ST7: variants seen among roughly 807,000 people sequenced by gnomAD.
The protein encoded by ST7 is suppressor of tumorigenicity 7 protein.
Under a neutral mutation model 78.7 loss-of-function variants are expected in ST7, and 28 were observed. The ratio of observed to expected loss-of-function variants is 0.36; its 90% CI spans 0.26 to 0.49. The LOEUF (loss-of-function observed/expected upper bound fraction) is 0.49. Among genes scored for constraint, ST7 ranks in the 20% least tolerant of loss-of-function variants. The pLI, the probability that ST7 is intolerant of heterozygous loss-of-function variation, is 0.99. For missense variants in ST7, 418 were observed against 696.0 expected (o/e 0.60, Z 4.49); for synonymous variants, 247 against 249.6 (o/e 0.99, Z 0.10).
chr7:116,957,727 G>C (rs1374392790), intron 1 of ST7, among the ~76,000 whole-genome samples: 3 of 152,156 alleles, frequency 2.0e-5, no homozygotes, highest in African/African-American at 7.2e-5. Flanking sequence ...TAAAATAGGT[G>C]AGTCTTAAAA....
chr7:116,956,591 C>T, intron 1 of ST7: 1 of 471,198 alleles, frequency 2.1e-6, no homozygotes, highest in Non-Finnish European at 4.4e-6. Context: ...CTTCCATAGG[C>T]CCAGCTCTGT....
At chr7:117,215,595 A>G (rs1445048018) in intron 13 of ST7, among the ~76,000 whole-genome samples, 1 of 152,242 alleles carries the variant, frequency 6.6e-6, no homozygotes, top group African/African-American at 2.4e-5. Flanking sequence ...AGGGACACAG[A>G]TTAACGACCC....
At position 116,958,021 on chromosome 7, in the gene ST7, C is replaced by T. The variant is rs11525857; in HGVS notation, c.151+4330C>T. Among the ~76,000 whole-genome samples the T allele has an allele frequency of 7.8e-3, 1,182 of 152,316 alleles. 40 individuals carry two copies. The highest frequency in any genetic ancestry group is 0.054 in the East Asian group (281 of 5,186). ...CTTATGTTTGAGACAAGGTTTCACT[C>T]TGTCACCCAGGCTGGAGTGCAGTGG... On this transcript the variant is annotated intron_variant, in intron 1 of 15. Coordinates refer to ENST00000323984, the MANE Select transcript of ST7 (RefSeq NM_001369598.1).
At chr7:117,031,435 T>C (rs373987531) in intron 1 of ST7, among the ~76,000 whole-genome samples, 1 of 149,774 alleles carries the variant, frequency 6.7e-6, no homozygotes, top group African/African-American at 2.5e-5. Context: ...TGTGCATATA[T>C]ATGCATATAT....
intron 1 of ST7, among the ~76,000 whole-genome samples, chr7:116,990,355 A>G (rs1036463511): frequency 1.3e-5 from 2 of 152,102 alleles, no homozygotes; most frequent in Non-Finnish European, 2.9e-5. Context: ...TATTCTGGGT[A>G]AACTCATTCC....
At chr7:116,965,312 C>G (rs922066556) in intron 1 of ST7, among the ~76,000 whole-genome samples, 4 of 149,020 alleles carry the variant, frequency 2.7e-5, no homozygotes, top group Admixed American at 1.3e-4. Flanking sequence ...TGCACTCCAG[C>G]CTGGGCGACT....
chr7:116,974,014 A>G (rs1042940613), intron 1 of ST7, among the ~76,000 whole-genome samples: 15 of 152,082 alleles, frequency 9.9e-5, no homozygotes, highest in African/African-American at 3.4e-4. Flanking sequence ...AAATTTTTAC[A>G]TATTTCTTTT....
rs566695763 is a variant in ST7, at chr7:117,180,906, C to A, written c.1079-8415C>A. 2.0e-5 allele frequency among the ~76,000 whole-genome samples: 3 copies of A among 152,260 alleles called. No individual in the cohort carries two copies. In the South Asian group the frequency reaches 6.2e-4, roughly 32 times the overall value. ...GGCTCAAGTGATCCTCTTGCCTTGG[C>A]CTCCCAAAGTGCTGGGATTACAGGT... On this transcript the variant is annotated intron_variant, in intron 10 of 15. Transcript: ENST00000323984.
chr7:117,045,115 C>T (rs1449730862), intron 1 of ST7, among the ~76,000 whole-genome samples: 1 of 152,114 alleles, frequency 6.6e-6, no homozygotes, highest in Non-Finnish European at 1.5e-5. Context: ...TCCACCATTA[C>T]TACCTTAGTC....
chr7:117,080,499 C>G (rs984468943), intron 1 of ST7, among the ~76,000 whole-genome samples: 1 of 151,794 alleles, frequency 6.6e-6, no homozygotes, highest in Middle Eastern at 3.2e-3. Context: ...TTTGCTTTTG[C>G]AAATAATATA....
At chr7:117,090,408 T>G (rs1047808814) in intron 1 of ST7, among the ~76,000 whole-genome samples, 5 of 152,170 alleles carry the variant, frequency 3.3e-5, no homozygotes, top group Non-Finnish European at 7.3e-5. Flanking sequence ...TTGTAGTCAT[T>G]TAGCGTTTAT....
At chr7:116,993,926 A>T (rs2116400044) in intron 1 of ST7, among the ~76,000 whole-genome samples, 1 of 152,214 alleles carries the variant, frequency 6.6e-6, no homozygotes, top group East Asian at 1.9e-4. Flanking sequence ...TACTAAAAGA[A>T]TTTTTTGCTT....
intron 9 of ST7, among the ~76,000 whole-genome samples, chr7:117,138,867 C>T (rs1224326521): frequency 6.6e-6 from 1 of 152,074 alleles, no homozygotes; most frequent in Admixed American, 6.6e-5. Flanking sequence ...CAATAGATGT[C>T]CTTATTAAAC....
At chr7:117,029,920 A>G (rs1380120592) in intron 1 of ST7, among the ~76,000 whole-genome samples, 3 of 152,180 alleles carry the variant, frequency 2.0e-5, no homozygotes, top group Non-Finnish European at 4.4e-5. Flanking sequence ...GGCCAATACT[A>G]TAATTGTTAT....
intron 8 of ST7, chr7:117,136,984 G>C (rs1423263534): frequency 6.6e-6 from 1 of 152,074 alleles, no homozygotes; most frequent in Non-Finnish European, 1.5e-5. Flanking sequence ...CAGAAATTTA[G>C]CAGTCCTTGT....
intron 12 of ST7, among the ~76,000 whole-genome samples, chr7:117,209,525 T>C (rs1792110922): frequency 1.3e-5 from 2 of 152,358 alleles, no homozygotes; most frequent in South Asian, 4.1e-4. Context: ...TGTTTGAGTC[T>C]TATGTATTTC....
intron 1 of ST7, among the ~76,000 whole-genome samples, chr7:117,069,613 G>A (rs1429924965): frequency 6.6e-6 from 1 of 152,156 alleles, no homozygotes; most frequent in East Asian, 1.9e-4. Flanking sequence ...TTATTAACTG[G>A]AAGATCCCCT....
chr7:117,157,166 G>T (rs1016714016), intron 9 of ST7, among the ~76,000 whole-genome samples: 5 of 152,146 alleles, frequency 3.3e-5, no homozygotes, highest in Non-Finnish European at 7.4e-5. Context: ...GAAACATGAT[G>T]GCATGAGCTT....
At chr7:117,229,711 G>T in intron 15 of ST7, 51 bp from the exon 16 acceptor site, 1 of 1,501,430 alleles carries the variant, frequency 6.7e-7, no homozygotes, top group Non-Finnish European at 9.1e-7. Flanking sequence ...TTGTTTTATA[G>T]TCTTGAACAA....
Sources: allele counts gnomAD v4.1 joint callset (sites outside exome capture counted in the v4.1 genomes callset), GRCh38; gene constraint gnomAD v4.1.1; transcripts MANE v1.5; gene names NCBI Gene and HGNC (gene_info 2026-07-23, HGNC 2026-07-21).